PPP1R13B: variants seen among roughly 807,000 people sequenced by gnomAD.
The protein encoded by PPP1R13B is apoptosis-stimulating of p53 protein 1.
Under a neutral mutation model 119.8 loss-of-function variants are expected in PPP1R13B, and 44 were observed. The ratio of observed to expected loss-of-function variants is 0.37; its 90% CI spans 0.29 to 0.47. The LOEUF (loss-of-function observed/expected upper bound fraction) is 0.47, where lower values mean the gene tolerates loss of function less well. PPP1R13B is among the 20% of genes least tolerant of loss of function. PPP1R13B has a pLI of 0.99. For synonymous variants in PPP1R13B, 542 were observed against 561.5 expected (o/e 0.97, Z 0.49); for missense variants, 1,227 against 1,413.5 (o/e 0.87, Z 2.12).
intron 3 of PPP1R13B, among the ~76,000 whole-genome samples, 197 bp downstream of exon 3, chr14:103,784,583 CAAAAAAAAAAAAAAA>C (rs546875688): frequency 4.1e-4 from 25 of 60,570 alleles, no homozygotes; most frequent in South Asian, 1.5e-3. Flanking sequence ...ACTCTGTCTC[CAAAAAAAAAAAAAAA>C]AAAAAAAAAA....
At chr14:103,799,147 A>C (rs2085833045) in intron 1 of PPP1R13B, among the ~76,000 whole-genome samples, 1 of 151,526 alleles carries the variant, frequency 6.6e-6, no homozygotes, top group African/African-American at 2.4e-5. Flanking sequence ...TTACAGGCGC[A>C]TATCACCACG....
chr14:103,811,927 G>A (rs935492043), intron 1 of PPP1R13B, among the ~76,000 whole-genome samples: 4 of 151,018 alleles, frequency 2.6e-5, no homozygotes, highest in African/African-American at 9.7e-5. Context: ...GGGTGTGGTG[G>A]TGGGCGCCTA....
intron 1 of PPP1R13B, among the ~76,000 whole-genome samples, chr14:103,800,997 T>C (rs1168952746): frequency 2.0e-5 from 3 of 151,980 alleles, no homozygotes. Context: ...ATTACAAGCA[T>C]GCACCAACAC....
chr14:103,839,540 C>T (rs947218790), intron 1 of PPP1R13B, among the ~76,000 whole-genome samples: 2 of 151,706 alleles, frequency 1.3e-5, no homozygotes, highest in Non-Finnish European at 2.9e-5. Flanking sequence ...GTCAGAAGAA[C>T]CCCTTGAACC....
At chr14:103,777,921 A>T (rs1318184303) in intron 4 of PPP1R13B, among the ~76,000 whole-genome samples, 1 of 151,510 alleles carries the variant, frequency 6.6e-6, no homozygotes, top group Non-Finnish European at 1.5e-5. Context: ...CAGCCTCCTG[A>T]GTAGCTGGGA....
chr14:103,820,252 C>CA (rs1223802095), intron 1 of PPP1R13B, among the ~76,000 whole-genome samples: 1 of 152,202 alleles, frequency 6.6e-6, no homozygotes, highest in Non-Finnish European at 1.5e-5. Flanking sequence ...GTTCAGCAAA[C>CA]ACAGGAAAGC....
chr14:103,813,154 T>C (rs761097923), intron 1 of PPP1R13B, among the ~76,000 whole-genome samples: 1 of 152,204 alleles, frequency 6.6e-6, no homozygotes, highest in Non-Finnish European at 1.5e-5. Flanking sequence ...GCAACCAAGA[T>C]GTCCTTCAGT....
intron 8 of PPP1R13B, among the ~76,000 whole-genome samples, chr14:103,748,029 A>G (rs1016289481): frequency 3.3e-5 from 5 of 151,150 alleles, no homozygotes; most frequent in Non-Finnish European, 5.9e-5. Flanking sequence ...GGACTTGCCA[A>G]CGTCCACAAT....
chr14:103,765,971 G>A (rs1184166427), intron 4 of PPP1R13B, among the ~76,000 whole-genome samples: 4 of 142,888 alleles, frequency 2.8e-5, no homozygotes, highest in South Asian at 2.2e-4. Flanking sequence ...AAAAACTCTC[G>A]GAGGAAATTT....
intron 7 of PPP1R13B, among the ~76,000 whole-genome samples, chr14:103,750,911 T>C (rs906591561): frequency 4.0e-5 from 6 of 151,494 alleles, no homozygotes; most frequent in African/African-American, 1.2e-4. Context: ...ATCCCAATAC[T>C]TTGGGAGGCC....
At chr14:103,755,841 T>C (rs560617092) in intron 5 of PPP1R13B, among the ~76,000 whole-genome samples, 6 of 152,340 alleles carry the variant, frequency 3.9e-5, no homozygotes, top group South Asian at 4.1e-4. Flanking sequence ...TACTTTCCAA[T>C]TGAACTTAAC....
Position 103,738,823 on chromosome 14 carries a change from C to T in PPP1R13B, c.2731-11G>A, listed in dbSNP as rs200344264. On this transcript the variant is annotated splice_polypyrimidine_tract_variant and intron_variant, in intron 13 of 16. Transcript: ENST00000202556. This position sits in a 1 kb window ranked among gnomAD's most constrained non-coding sequence, Gnocchi z 5.6. ...GCTGGGATCTTCCACCTAGGACACA[C>T]GGCCTGTGAGCGCCCATCCCCTCGC... The T allele has an allele frequency of 2.4e-5, 38 of 1,613,940 alleles. No homozygotes were observed. Among genetic ancestry groups the T allele is most frequent in the East Asian group, 6.7e-5 (3 of 44,882 alleles).
At chr14:103,805,352 C>A (rs575491528) in intron 1 of PPP1R13B, among the ~76,000 whole-genome samples, 1 of 152,142 alleles carries the variant, frequency 6.6e-6, no homozygotes, top group African/African-American at 2.4e-5. Context: ...TGGCAGATTA[C>A]TTGAGCTCAA....
intron 4 of PPP1R13B, among the ~76,000 whole-genome samples, chr14:103,760,246 TTAA>T (rs1230358344): frequency 1.3e-5 from 2 of 152,244 alleles, no homozygotes; most frequent in South Asian, 2.1e-4. Flanking sequence ...ACTGGATTTT[TTAA>T]TAATAGGCCT....
chr14:103,834,764 T>C (rs948569821), intron 1 of PPP1R13B, among the ~76,000 whole-genome samples: 2 of 151,858 alleles, frequency 1.3e-5, no homozygotes, highest in African/African-American at 4.8e-5. Context: ...CTATTTTTTT[T>C]GTATTCTTAG....
chr14:103,848,592 C>T (rs922838054), upstream of PPP1R13B: 4 of 737,438 alleles, frequency 5.4e-6, no homozygotes, highest in Non-Finnish European at 5.0e-6. Context: ...TGCGGATGGC[C>T]CCAGACACAG....
In PPP1R13B at chr14:103,757,226, T is replaced by C. The variant is rs974268708; in HGVS notation, c.456+424A>G. ...AGCCACATGCCACCATGCCTAATTT[T>C]TACTTTTTGTAGAGACAGGGTCTCA... is the stretch of plus-strand genomic sequence containing the variant. On this transcript the variant is annotated intron_variant, in intron 5 of 16. Transcript: ENST00000202556. 3.3e-5 allele frequency among the ~76,000 whole-genome samples: 5 copies of C among 152,074 alleles called. No individual in the cohort carries two copies. In the South Asian group the frequency reaches 8.3e-4, roughly 25 times the overall value.
At chr14:103,753,552 GAATAA>G (rs983688441) in intron 6 of PPP1R13B, among the ~76,000 whole-genome samples, 2 of 152,094 alleles carry the variant, frequency 1.3e-5, no homozygotes, top group African/African-American at 2.4e-5. Context: ...CTGAACCAAT[GAATAA>G]AATAAGAGTT....
chr14:103,739,634 A>AGCCCCATTTGTCATGCCTTTTCAT (rs1452564940), intron 12 of PPP1R13B, among the ~76,000 whole-genome samples, 190 bp downstream of exon 12: 4 of 152,194 alleles, frequency 2.6e-5, no homozygotes, highest in South Asian at 2.1e-4. Context: ...TGTGTGGCCG[A>AGCCCCATTTGTCATGCCTTTTCAT]GCCCCATTTG....
Sources: allele counts gnomAD v4.1 joint callset (sites outside exome capture counted in the v4.1 genomes callset), GRCh38; gene constraint gnomAD v4.1.1; non-coding constraint Gnocchi (gnomAD v3.1); transcripts MANE v1.5; gene names NCBI Gene and HGNC (gene_info 2026-07-23, HGNC 2026-07-21).